The following CFAP54 variants were observed in gnomAD, a reference collection of about 807,000 sequenced individuals.
CFAP54 encodes the protein cilia- and flagella-associated protein 54.
In CFAP54, 290 loss-of-function variants were observed where a neutral mutation model predicts 370.4. The ratio of observed to expected loss-of-function variants is 0.78; its 90% CI spans 0.71 to 0.86. CFAP54 has a LOEUF of 0.86. CFAP54 is among the 40% of genes least tolerant of loss of function. CFAP54 has a pLI of 0.00. For synonymous variants in CFAP54, 1,206 were observed against 1,236.5 expected, an observed-to-expected ratio of 0.98 and a Z score of 0.52; for missense variants, 3,399 against 3,528.7, an observed-to-expected ratio of 0.96 and a Z score of 0.93.
At chr12:96,572,121 G>T (rs772877938) in intron 19 of CFAP54, among the ~76,000 whole-genome samples, 1 of 152,062 alleles carries the variant, frequency 6.6e-6, no homozygotes, top group Non-Finnish European at 1.5e-5. Context: ...TCATAATTTT[G>T]TGTGTCTTAT....
chr12:96,593,020 T>C (rs1432511841), intron 24 of CFAP54, among the ~76,000 whole-genome samples: 3 of 152,162 alleles, frequency 2.0e-5, no homozygotes, highest in Admixed American at 2.0e-4. Flanking sequence ...TTTATGAAAA[T>C]GGGATTATGA....
intron 55 of CFAP54, among the ~76,000 whole-genome samples, chr12:96,748,830 G>A (rs1030383988): frequency 1.3e-5 from 2 of 152,150 alleles, no homozygotes; most frequent in African/African-American, 4.8e-5. Context: ...CTGGGTATAT[G>A]CCTTTTCTTT....
At chr12:96,688,790 T>C in intron 42 of CFAP54, 126 bp from the exon 43 acceptor site, 1 of 501,804 alleles carries the variant, frequency 2.0e-6, no homozygotes. Context: ...TCTATTTTCT[T>C]ATATATTTAT....
chr12:96,815,675 T>G (rs2136732839), intron 64 of CFAP54, among the ~76,000 whole-genome samples: 1 of 152,324 alleles, frequency 6.6e-6, no homozygotes, highest in Non-Finnish European at 1.5e-5. Context: ...GGTTTTCTTT[T>G]GGGGTTTTTA....
chr12:96,750,257 C>T (rs1412783570), intron 55 of CFAP54, among the ~76,000 whole-genome samples: 3 of 152,092 alleles, frequency 2.0e-5, no homozygotes, highest in Non-Finnish European at 4.4e-5. Flanking sequence ...TGTTCTTACC[C>T]GTCACCTTCT....
intron 61 of CFAP54, among the ~76,000 whole-genome samples, chr12:96,785,771 C>T (rs1253400563): frequency 6.6e-6 from 1 of 152,206 alleles, no homozygotes. Flanking sequence ...CTGCCCTGGG[C>T]TTTCTTTGAA....
chr12:96,742,693 G>A, intron 52 of CFAP54, 107 bp downstream of exon 52: 3 of 1,064,770 alleles, frequency 2.8e-6, no homozygotes, highest in East Asian at 2.7e-5. Context: ...TAACTTTCTA[G>A]CTTGATCTGC....
intron 64 of CFAP54, among the ~76,000 whole-genome samples, chr12:96,816,837 T>G (rs1481606774): frequency 6.6e-6 from 1 of 152,248 alleles, no homozygotes; most frequent in Non-Finnish European, 1.5e-5. Context: ...TCCACTCCCC[T>G]GGTCCACTCT....
chr12:96,604,394 G>A (rs1258238225), intron 26 of CFAP54, among the ~76,000 whole-genome samples: 1 of 152,246 alleles, frequency 6.6e-6, no homozygotes, highest in Admixed American at 6.5e-5. Context: ...GTGTCTCCCA[G>A]TCAGGTTACA....
intron 63 of CFAP54, among the ~76,000 whole-genome samples, chr12:96,804,864 A>G (rs1003709952): frequency 6.6e-6 from 1 of 152,182 alleles, no homozygotes; most frequent in Non-Finnish European, 1.5e-5. Flanking sequence ...TATAGTAACC[A>G]AAACAACAAA....
chr12:96,833,233 T>G (rs951976290), intron 66 of CFAP54, among the ~76,000 whole-genome samples: 1 of 152,170 alleles, frequency 6.6e-6, no homozygotes, highest in African/African-American at 2.4e-5. Flanking sequence ...GTTCAAATTG[T>G]TGCAGTTTCT....
At chr12:96,603,006 T>C (rs1315693866) in intron 26 of CFAP54, among the ~76,000 whole-genome samples, 1 of 152,254 alleles carries the variant, frequency 6.6e-6, no homozygotes, top group Admixed American at 6.5e-5. Flanking sequence ...GTTACAATGC[T>C]AGCTGTTTAT....
chr12:96,647,989 C>A lies in CFAP54; in HGVS notation c.4662C>A (p.Ala1554=). 1.3e-6 allele frequency: 2 copies of A among 1,503,924 alleles called. No individual in the cohort carries two copies. Among genetic ancestry groups the A allele is most frequent in the African/African-American group, 1.4e-5 (1 of 70,730 alleles). The allele number at this position is 1,503,924 out of a possible 1,614,324, so 93.2% of individuals were successfully genotyped here. The change falls in exon 34 of 68, where the codon GCC becomes GCA. Residue 1554 remains alanine, a synonymous_variant. Transcript: ENST00000524981. ...YKAMLDFLLT[A]KKRKANLPSD... ...CAATGCTTGATTTCCTTCTTACAGC[C>A]AAAAAAAGAAAGGCCAACTTACCAT... is the stretch of plus-strand genomic sequence containing the variant.
At chr12:96,573,514 T>A (rs7136154) in intron 19 of CFAP54, among the ~76,000 whole-genome samples, 37,468 of 152,026 alleles carry the variant, frequency 0.25, 4,853 homozygotes, top group South Asian at 0.38. Context: ...TGGAAGAGGG[T>A]GAAGAGGGAA....
intron 55 of CFAP54, 152 bp from the exon 56 acceptor site, chr12:96,753,591 T>C (rs1958215203): frequency 1.5e-6 from 1 of 672,014 alleles, no homozygotes; most frequent in Non-Finnish European, 2.4e-6. Context: ...GTATTATATG[T>C]CTTTAAAACA....
intron 50 of CFAP54, among the ~76,000 whole-genome samples, chr12:96,728,439 A>G (rs374847791): frequency 6.6e-6 from 1 of 151,906 alleles, no homozygotes; most frequent in Admixed American, 6.6e-5. Context: ...ATCTTCCATC[A>G]CTGATACCCT....
At chr12:96,742,703 CTTATA>C (rs1436771172) in intron 52 of CFAP54, 117 bp downstream of exon 52, 1 of 1,008,210 alleles carries the variant, frequency 9.9e-7, no homozygotes, top group Non-Finnish European at 1.4e-6. Context: ...GCTTGATCTG[CTTATA>C]GAATTAAAAA....
chr12:96,518,560 C>T (rs2136365611), intron 5 of CFAP54, among the ~76,000 whole-genome samples: 1 of 152,224 alleles, frequency 6.6e-6, no homozygotes, highest in Middle Eastern at 3.4e-3. Context: ...GTGGTGCACA[C>T]CTGTAGTTCC....
chr12:96,853,936 T>A lies in CFAP54; in HGVS notation c.9172-6883T>A, dbSNP rs192902142. 4.4e-3 allele frequency among the ~76,000 whole-genome samples: 676 copies of A among 152,016 alleles called. 2 individuals carry two copies. The highest frequency in any genetic ancestry group is 7.8e-3 in the Non-Finnish European group (533 of 67,972). On this transcript the variant is annotated intron_variant, in intron 66 of 67. Transcript: ENST00000524981. ...AGGTCAGAGACCAAAATGCTCTATT[T>A]GTATCTAGTATATAAATTATGTCGT...
Sources: gnomAD v4.1 joint callset for allele counts (sites outside exome capture counted in the v4.1 genomes callset) on GRCh38, gnomAD v4.1.1 for gene constraint, MANE v1.5 for transcripts, NCBI Gene and HGNC (gene_info 2026-07-23, HGNC 2026-07-21) for gene names.